ACAN: variants seen among roughly 807,000 people sequenced by gnomAD.
ACAN encodes aggrecan, also known as aggrecan core protein.
In ACAN, 47 loss-of-function variants were observed where a neutral mutation model predicts 169.1. That is an observed-to-expected ratio of 0.28 (90% CI 0.22 to 0.35). The LOEUF (loss-of-function observed/expected upper bound fraction) is 0.35, where lower values mean the gene tolerates loss of function less well. Ranked by LOEUF, ACAN falls within the 10% of genes least tolerant of loss-of-function variation. The probability of loss-of-function intolerance (pLI) is 1.00; values close to 1 mark genes in which losing one functional copy is unlikely to be tolerated. For synonymous variants in ACAN, 1,115 were observed against 1,112.2 expected (o/e 1.00, Z -0.05); for missense variants, 2,716 against 2,759.9 (o/e 0.98, Z 0.36).
At chr15:88,834,060 C>G (rs114820320) in intron 1 of ACAN, among the ~76,000 whole-genome samples, 73 of 152,290 alleles carry the variant, frequency 4.8e-4, no homozygotes, top group Admixed American at 4.6e-4. Flanking sequence ...AGCCGCAACT[C>G]GTCACATGGG....
intron 5 of ACAN, among the ~76,000 whole-genome samples, chr15:88,842,246 G>A (rs907291755): frequency 9.9e-5 from 15 of 152,138 alleles, no homozygotes; most frequent in Middle Eastern, 3.4e-3. Flanking sequence ...CCTCGCAAGC[G>A]ACACTACACC....
In ACAN at chr15:88,857,394, C is replaced by T. The variant is rs1897079947; in HGVS notation, c.4809C>T (p.Asp1603=). 7 of 1,613,812 alleles carry T rather than the reference C, an allele frequency of 4.3e-6. No individual in the cohort carries two copies. The highest frequency in any genetic ancestry group is 5.9e-6 in the Non-Finnish European group (7 of 1,179,904). ...KEDLVGSASG[D]LDLGKLPSGT... is the part of the protein sequence containing the mutation. ...ACTTGGTGGGGTCAGCTTCTGGAGACTTGGACTTGGGCAAACTGCCTTCTG... is the reference window on the plus strand; with the variant it reads ...ACTTGGTGGGGTCAGCTTCTGGAGATTTGGACTTGGGCAAACTGCCTTCTG... The change falls in exon 12 of 19, where the codon GAC becomes GAT. Residue 1603 remains aspartate, a synonymous_variant. Coordinates refer to ENST00000560601, the MANE Select transcript of ACAN (RefSeq NM_001369268.1).
chr15:88,854,316 G>C (rs1046796942), intron 11 of ACAN, among the ~76,000 whole-genome samples: 26 of 152,256 alleles, frequency 1.7e-4, no homozygotes, highest in African/African-American at 6.0e-4. Flanking sequence ...GAATCAGTGG[G>C]GCTGGGGTGA....
intron 1 of ACAN, among the ~76,000 whole-genome samples, chr15:88,835,088 G>A (rs1014039511): frequency 2.0e-5 from 3 of 152,208 alleles, no homozygotes; most frequent in Admixed American, 6.5e-5. Context: ...GAGAGCTACA[G>A]CTTCCTAGGT....
chr15:88,839,870 T>G lies in ACAN; in HGVS notation c.455-142T>G, dbSNP rs1896604476. 4.4e-6 allele frequency: 4 copies of G among 912,558 alleles called. No homozygotes were observed. In the East Asian group the frequency reaches 8.0e-5, roughly 18 times the overall value. 56.5% of individuals were successfully genotyped at this position (912,558 alleles called of 1,614,324 possible). On this transcript the variant is annotated intron_variant, in intron 3 of 18. Transcript: ENST00000560601. This position sits in a 1 kb window ranked among gnomAD's most constrained non-coding sequence, Gnocchi z 4.5. ...AATTCAGAAGGATCACGTGCAAAGG[T>G]GTACAGGGAGTCATGCATCAGCCCA... is the stretch of plus-strand genomic sequence containing the variant.
In ACAN at chr15:88,869,102, C is replaced by T. The variant is rs79346033; in HGVS notation, c.7060+773C>T. Among the ~76,000 whole-genome samples the T allele has an allele frequency of 0.03, 4,619 of 152,262 alleles. 204 individuals are homozygous for T. The highest frequency in any genetic ancestry group is 0.1 in the African/African-American group (4,256 of 41,524). On this transcript the variant is annotated intron_variant, in intron 14 of 18. Transcript: ENST00000560601. This position sits in a 1 kb window ranked among gnomAD's most constrained non-coding sequence, Gnocchi z 4.2. ...TGTGCACCAGGAACCCTCCCAGGGACAGACTGAACCCTCAGCTCTCTCACC... is the reference window on the plus strand; with the variant it reads ...TGTGCACCAGGAACCCTCCCAGGGATAGACTGAACCCTCAGCTCTCTCACC...
chr15:88,819,218 G>C (rs1031774670), intron 1 of ACAN, among the ~76,000 whole-genome samples: 1 of 152,244 alleles, frequency 6.6e-6, no homozygotes, highest in South Asian at 2.1e-4. Context: ...ACAAAGTGTC[G>C]GGGGGCAACA....
At position 88,868,465 on chromosome 15, in the gene ACAN, C is replaced by T; in HGVS notation, c.7060+136C>T. 2 of 587,174 alleles carry T rather than the reference C, an allele frequency of 3.4e-6. No individual in the cohort carries two copies. Among genetic ancestry groups the T allele is most frequent in the Non-Finnish European group, 6.0e-6 (2 of 330,612 alleles). 36.4% of individuals were successfully genotyped at this position (587,174 alleles called of 1,614,324 possible). On this transcript the variant is annotated intron_variant, in intron 14 of 18. Transcript: ENST00000560601. This position sits in a 1 kb window ranked among gnomAD's most constrained non-coding sequence, Gnocchi z 5.2. ...TCATCTGGAGAGCCATTTCAGGGGC[C>T]ACAACTGAAAATTCTGCCCCACTGA...
chr15:88,812,136 C>T (rs916201110), intron 1 of ACAN, among the ~76,000 whole-genome samples: 1 of 152,170 alleles, frequency 6.6e-6, no homozygotes, highest in Non-Finnish European at 1.5e-5. Flanking sequence ...GTTAGCGCCT[C>T]GGCCTCCTGC....
In ACAN at chr15:88,841,879, TG is replaced by T. The variant is rs776508820; in HGVS notation, c.757+13del. ...CGAGGAGATGGAGGGTGAGCTGCCC[TG>T]CCCACCAGGAGGCACCCAGCTCCCT... On this transcript the variant is annotated intron_variant, in intron 5 of 18. Coordinates refer to ENST00000560601, the MANE Select transcript of ACAN (RefSeq NM_001369268.1). The T allele has an allele frequency of 5.0e-6, 8 of 1,612,128 alleles. No individual in the cohort carries two copies. Among genetic ancestry groups the T allele is most frequent in the Middle Eastern group, 1.7e-4 (1 of 6,058 alleles).
chr15:88,845,624 G>T lies in ACAN; in HGVS notation c.1171G>T (p.Gly391Cys), dbSNP rs369041225. The T allele has an allele frequency of 2.5e-6, 4 of 1,613,952 alleles. No homozygotes were observed. In the African/African-American group the frequency reaches 5.3e-5, roughly 22 times the overall value. Reference protein sequence around the residue: ...ELPLPRNITEGEARGSVILTV... With the variant: ...ELPLPRNITECEARGSVILTV... ...GCCACTGCCTCGAAACATCACTGAGGGTGAAGCCCGAGGCAGCGTGATCCT... is the reference window on the plus strand; with the variant it reads ...GCCACTGCCTCGAAACATCACTGAGTGTGAAGCCCGAGGCAGCGTGATCCT... The change falls in exon 7 of 19, where the codon GGT becomes TGT. Residue 391 changes from glycine to cysteine, a missense_variant. Coordinates refer to ENST00000560601, the MANE Select transcript of ACAN (RefSeq NM_001369268.1).
At position 88,874,088 on chromosome 15, in the gene ACAN, C is replaced by G. The variant is rs747656226; in HGVS notation, c.7630+64C>G. ...AGATTCTGCCAGCACAGCCTTCCCCCCGTCCCCTCTCCTGGGGACCCTACA... is the reference window on the plus strand; with the variant it reads ...AGATTCTGCCAGCACAGCCTTCCCCGCGTCCCCTCTCCTGGGGACCCTACA... On this transcript the variant is annotated intron_variant, in intron 18 of 18. Coordinates refer to ENST00000560601, the MANE Select transcript of ACAN (RefSeq NM_001369268.1). This position sits in a 1 kb window ranked among gnomAD's most constrained non-coding sequence, Gnocchi z 7.3. The G allele has an allele frequency of 4.5e-5, 71 of 1,583,710 alleles. No individual in the cohort carries two copies. The highest frequency in any genetic ancestry group is 5.8e-5 in the Non-Finnish European group (68 of 1,169,936).
chr15:88,866,989 C>T lies in ACAN; in HGVS notation c.6947-1227C>T, dbSNP rs1047061520. 6.6e-6 allele frequency among the ~76,000 whole-genome samples: 1 copy of T among 152,204 alleles called. No homozygotes were observed. The highest frequency in any genetic ancestry group is 1.9e-4 in the East Asian group (1 of 5,196). On this transcript the variant is annotated intron_variant, in intron 13 of 18. Coordinates refer to ENST00000560601, the MANE Select transcript of ACAN (RefSeq NM_001369268.1). This position sits in a 1 kb window ranked among gnomAD's most constrained non-coding sequence, Gnocchi z 5.6. ...AACCAATGTCATGGTGCCCCATAGC[C>T]AGTGGAACCCACTCACTGCAGAATT...
Position 88,870,005 on chromosome 15 carries a change from T to A in ACAN, c.7061-1377T>A, listed in dbSNP as rs889331722. On this transcript the variant is annotated intron_variant, in intron 14 of 18. Transcript: ENST00000560601. The surrounding 1 kb of genome is among the most constrained non-coding windows in gnomAD (Gnocchi z 6.3). ...CTGACCCCCTAAGTCAGCCCTAAGA[T>A]GATATCTCTGGCCTCTTCAGAGTGC... Among the ~76,000 whole-genome samples the A allele has an allele frequency of 5.9e-5, 9 of 152,166 alleles. No individual in the cohort carries two copies. Among genetic ancestry groups the A allele is most frequent in the African/African-American group, 2.2e-4 (9 of 41,448 alleles).
At position 88,814,455 on chromosome 15, in the gene ACAN, G is replaced by T. The variant is rs1362613530; in HGVS notation, c.-8+10646G>T. Among the ~76,000 whole-genome samples, 1 of 152,190 alleles carries T rather than the reference G, an allele frequency of 6.6e-6. No individual in the cohort carries two copies. Among genetic ancestry groups the T allele is most frequent in the East Asian group, 1.9e-4 (1 of 5,194 alleles). The stretch of plus-strand genomic sequence containing the variant: ...AGTCTTACCATCCTGGAGCAGAAAG[G>T]GGCCTCAGGAATGCAAGAAGAGCCA... On this transcript the variant is annotated intron_variant, in intron 1 of 18. Coordinates refer to ENST00000560601, the MANE Select transcript of ACAN (RefSeq NM_001369268.1). The surrounding 1 kb of genome is among the most constrained non-coding windows in gnomAD (Gnocchi z 4.0).
At chr15:88,832,241 T>C (rs1182009426) in intron 1 of ACAN, among the ~76,000 whole-genome samples, 1 of 151,238 alleles carries the variant, frequency 6.6e-6, no homozygotes, top group Non-Finnish European at 1.5e-5. Flanking sequence ...CATTGTATTA[T>C]GTGGAAAAGA....
rs1247980914 is a variant in ACAN, at chr15:88,873,887, G to A, written c.7493G>A (p.Gly2498Glu). Residue 2498 changes from glycine (G) to glutamate (E), a missense_variant, in exon 18 of 19, where the codon GGG (glycine) becomes GAG (glutamate). Around this residue, in one of 3 missense-constraint regions of ACAN, gnomAD observed 1,389 missense variants for 1,363.7 expected, o/e 1.02. Coordinates refer to ENST00000560601, the MANE Select transcript of ACAN (RefSeq NM_001369268.1). The surrounding 1 kb of genome is among the most constrained non-coding windows in gnomAD (Gnocchi z 7.5). ...GTGGTGGAGCATGCCAGGACCTTCGGGCAGAAGAAGGACCGGTATGAGATC... is the reference window on the plus strand; with the variant it reads ...GTGGTGGAGCATGCCAGGACCTTCGAGCAGAAGAAGGACCGGTATGAGATC... ...PPVVEHARTFGQKKDRYEINS... is the reference protein window; with the variant it reads ...PPVVEHARTFEQKKDRYEINS... 3.1e-6 allele frequency: 5 copies of A among 1,613,802 alleles called. 1 individual carries two copies. In the South Asian group the frequency reaches 3.3e-5, roughly 11 times the overall value.
intron 1 of ACAN, among the ~76,000 whole-genome samples, chr15:88,826,365 C>CT (rs1255620907): frequency 4.9e-5 from 7 of 142,492 alleles, no homozygotes; most frequent in East Asian, 4.1e-4. Context: ...GTATAGTGGC[C>CT]TTTTTTTTCT....
intron 1 of ACAN, among the ~76,000 whole-genome samples, chr15:88,811,590 C>G (rs1336703370): frequency 6.6e-6 from 1 of 152,196 alleles, no homozygotes; most frequent in Non-Finnish European, 1.5e-5. Context: ...CAGTGGAGTT[C>G]ACTGTGGGGT....
Sources: gnomAD v4.1 joint callset for allele counts (sites outside exome capture counted in the v4.1 genomes callset) on GRCh38, gnomAD v4.1.1 for gene constraint, gnomAD v4.1.1 regional missense constraint, Gnocchi (gnomAD v3.1) non-coding constraint, MANE v1.5 for transcripts, NCBI Gene and HGNC (gene_info 2026-07-23, HGNC 2026-07-21) for gene names.